The following TDRD3 variants were observed in gnomAD, a reference collection of about 807,000 sequenced individuals.
TDRD3 encodes the protein tudor domain containing 3.
A neutral mutation model predicts 86.7 loss-of-function variants in TDRD3; 45 were observed. That is an observed-to-expected ratio of 0.52 (90% CI 0.41 to 0.67). The LOEUF is 0.67. Among genes scored for constraint, TDRD3 ranks in the 30% least tolerant of loss-of-function variants. The probability of loss-of-function intolerance (pLI) is 0.00; values close to 1 mark genes in which losing one functional copy is unlikely to be tolerated. For synonymous variants in TDRD3, 298 were observed against 301.7 expected (o/e 0.99, Z 0.13); for missense variants, 814 against 889.0 (o/e 0.92, Z 1.07).
chr13:60,478,349 T>C (rs1227035321), intron 5 of TDRD3, among the ~76,000 whole-genome samples: 1 of 136,628 alleles, frequency 7.3e-6, no homozygotes, highest in Non-Finnish European at 1.5e-5. Flanking sequence ...TCTCCCAGGC[T>C]GGAGTAGTGC....
At chr13:60,506,083 G>A (rs370041167) in intron 8 of TDRD3, among the ~76,000 whole-genome samples, 2 of 152,080 alleles carry the variant, frequency 1.3e-5, no homozygotes, top group South Asian at 4.1e-4. Flanking sequence ...ATAATCATCA[G>A]ATTCACCAAG....
intron 1 of TDRD3, among the ~76,000 whole-genome samples, chr13:60,414,899 G>GT (rs2137842086): frequency 6.7e-6 from 1 of 149,902 alleles, no homozygotes; most frequent in Admixed American, 6.6e-5. Context: ...TTTTTTTTCT[G>GT]TTTTTGTTTT....
At chr13:60,412,450 C>CTTTTCCCTACATTATATGG (rs1183338703) in intron 1 of TDRD3, among the ~76,000 whole-genome samples, 3 of 151,962 alleles carry the variant, frequency 2.0e-5, no homozygotes, top group African/African-American at 7.3e-5. Context: ...TTGAAAAGCC[C>CTTTTCCCTACATTATATGG]TTTTCCCTAC....
At chr13:60,397,812 G>C (rs1473675803) in intron 1 of TDRD3, among the ~76,000 whole-genome samples, 1 of 152,006 alleles carries the variant, frequency 6.6e-6, no homozygotes, top group Non-Finnish European at 1.5e-5. Flanking sequence ...CGAGGGCTGG[G>C]AACGAAGTGC....
At chr13:60,408,935 A>T (rs978025432) in intron 1 of TDRD3, among the ~76,000 whole-genome samples, 30 of 152,170 alleles carry the variant, frequency 2.0e-4, no homozygotes, top group Non-Finnish European at 3.4e-4. Context: ...AGCCCCTCTC[A>T]TCACAGGCCT....
At chr13:60,446,921 C>CT (rs1300853006) in intron 3 of TDRD3, among the ~76,000 whole-genome samples, 1 of 152,152 alleles carries the variant, frequency 6.6e-6, no homozygotes, top group African/African-American at 2.4e-5. Flanking sequence ...TGATCCGTTA[C>CT]TTACTAACAT....
chr13:60,441,180 ATTAG>A (rs796795160), intron 2 of TDRD3, among the ~76,000 whole-genome samples: 6 of 152,302 alleles, frequency 3.9e-5, no homozygotes, highest in African/African-American at 1.4e-4. Flanking sequence ...TTGCACTGAA[ATTAG>A]TTAATTCTAT....
rs563788175 is a variant in TDRD3, at chr13:60,431,964, A to G, written c.42-7724A>G. ...GAGAAAATTAAATTTTTAAGCTAGCATTGATTCAAGTCCTGGTTTAATTGT... is the reference window on the plus strand; with the variant it reads ...GAGAAAATTAAATTTTTAAGCTAGCGTTGATTCAAGTCCTGGTTTAATTGT... On this transcript the variant is annotated intron_variant, in intron 1 of 13. Coordinates refer to ENST00000377881, the MANE Select transcript of TDRD3 (RefSeq NM_001146070.2). Among the ~76,000 whole-genome samples, 323 of 152,130 alleles carry G rather than the reference A, an allele frequency of 2.1e-3. 1 individual carries two copies. The highest frequency in any genetic ancestry group is 0.01 in the Middle Eastern group (3 of 294).
At chr13:60,467,506 C>T (rs1955973306) in intron 5 of TDRD3, 127 bp downstream of exon 5, 1 of 1,025,236 alleles carries the variant, frequency 9.8e-7, no homozygotes, top group Non-Finnish European at 1.4e-6. Context: ...ATATGATTAT[C>T]TTTAGAGAAA....
intron 1 of TDRD3, among the ~76,000 whole-genome samples, chr13:60,426,477 T>C (rs1405062103): frequency 2.0e-5 from 3 of 152,232 alleles, no homozygotes; most frequent in Non-Finnish European, 4.4e-5. Flanking sequence ...AGCTTCACTA[T>C]GGTAACTATT....
At chr13:60,474,379 C>T (rs571571905) in intron 5 of TDRD3, among the ~76,000 whole-genome samples, 5 of 152,300 alleles carry the variant, frequency 3.3e-5, no homozygotes, top group Admixed American at 6.5e-5. Context: ...TGGCCCCCCC[C>T]GGGCCCAGCT....
At chr13:60,531,852 A>G (rs1246435077) in intron 11 of TDRD3, among the ~76,000 whole-genome samples, 4 of 152,196 alleles carry the variant, frequency 2.6e-5, no homozygotes, top group Non-Finnish European at 5.9e-5. Flanking sequence ...AGAATGAATG[A>G]ATGACTATGA....
At chr13:60,442,788 G>A (rs1955310708) in intron 2 of TDRD3, among the ~76,000 whole-genome samples, 1 of 152,018 alleles carries the variant, frequency 6.6e-6, no homozygotes, top group Non-Finnish European at 1.5e-5. Context: ...TTATAGAGGA[G>A]TAAATTAACT....
chr13:60,524,469 T>G (rs555483541), intron 10 of TDRD3, among the ~76,000 whole-genome samples: 79 of 150,814 alleles, frequency 5.2e-4, no homozygotes, highest in Admixed American at 1.5e-3. Flanking sequence ...ACTGCACCAC[T>G]GTACTCCAGC....
chr13:60,423,109 A>G (rs1954705313), intron 1 of TDRD3, among the ~76,000 whole-genome samples: 1 of 152,210 alleles, frequency 6.6e-6, no homozygotes, highest in African/African-American at 2.4e-5. Context: ...TTCAAAACCA[A>G]TATATAAAGC....
intron 1 of TDRD3, among the ~76,000 whole-genome samples, chr13:60,425,700 A>T (rs76963046): frequency 0.04 from 6,143 of 152,140 alleles, 164 homozygotes; most frequent in Non-Finnish European, 0.058. Flanking sequence ...GTTCACTTAT[A>T]CGTGGATTTT....
Position 60,510,884 on chromosome 13 carries a change from C to T in TDRD3, c.1141+129C>T, listed in dbSNP as rs138843401. 1.1e-3 allele frequency: 942 copies of T among 872,682 alleles called. 4 individuals are homozygous for T. Among genetic ancestry groups the T allele is most frequent in the Admixed American group, 3.5e-3 (93 of 26,728 alleles). The allele number at this position is 872,682 out of a possible 1,614,324, so 54.1% of individuals were successfully genotyped here. A position where few individuals can be genotyped will look rare whatever the true frequency, so the allele number is the denominator to read the frequency against. On this transcript the variant is annotated intron_variant, in intron 10 of 13. Transcript: ENST00000377881. ...TAGTGTAAAACAACTATAATATGAA[C>T]GTATATCCTGAGTGTTTGTTTATAA...
At chr13:60,485,010 C>T (rs565213763) in intron 6 of TDRD3, among the ~76,000 whole-genome samples, 1 of 152,094 alleles carries the variant, frequency 6.6e-6, no homozygotes, top group East Asian at 1.9e-4. Flanking sequence ...AAAGTTCATT[C>T]TGAAAAAATT....
At position 60,565,041 on chromosome 13, in the gene TDRD3, C is replaced by CTTTTTTTTTTTTTT. The variant is rs869194148; in HGVS notation, c.2119-2465_2119-2452dup. ...GAACTGAAAACCAAACTATCAGTAT[C>CTTTTTTTTTTTTTT]TTTTTTTTTTTTTTTTTTTTTTTTT... On this transcript the variant is annotated intron_variant, in intron 12 of 13. Coordinates refer to ENST00000377881, the MANE Select transcript of TDRD3 (RefSeq NM_001146070.2). 4.2e-5 allele frequency among the ~76,000 whole-genome samples: 3 copies of CTTTTTTTTTTTTTT among 70,880 alleles called. 1 individual carries two copies. The highest frequency in any genetic ancestry group is 1.9e-4 in the African/African-American group (3 of 16,184). The allele number at this position is 70,880 out of a possible 152,430, so 46.5% of individuals were successfully genotyped here. A position where few individuals can be genotyped will look rare whatever the true frequency, so the allele number is the denominator to read the frequency against.
Sources: gnomAD v4.1 joint callset for allele counts (sites outside exome capture counted in the v4.1 genomes callset) on GRCh38, gnomAD v4.1.1 for gene constraint, MANE v1.5 for transcripts, NCBI Gene and HGNC (gene_info 2026-07-23, HGNC 2026-07-21) for gene names.